Variants in GPALPP1 observed in about 807,000 individuals in gnomAD.
The protein encoded by GPALPP1 is GPALPP motifs containing 1.
GPALPP1 carries 30 observed loss-of-function variants against 38.9 expected under a neutral mutation model. The observed-to-expected ratio is 0.77, with a 90% CI of 0.58 to 1.05. GPALPP1 has a LOEUF of 1.05. Among genes scored for constraint, GPALPP1 ranks in the 50% least tolerant of loss-of-function variants. GPALPP1 has a pLI of 0.00. For missense variants in GPALPP1, 384 were observed against 408.8 expected (o/e 0.94, Z 0.52); for synonymous variants, 120 against 139.2 (o/e 0.86, Z 0.97).
chr13:44,989,550 C>T lies in GPALPP1; in HGVS notation c.-105C>T. The stretch of plus-strand genomic sequence containing the variant: ...CCACAGGCTTTACGTCATTTCTCGG[C>T]GCCGGGAAACCTGCCATTCTTCGCT... On this transcript the variant is annotated 5_prime_UTR_variant, in exon 1 of 8. Coordinates refer to ENST00000379151, the MANE Select transcript of GPALPP1 (RefSeq NM_018559.5). 1 of 1,504,582 alleles carries T rather than the reference C, an allele frequency of 6.6e-7. No homozygotes were observed. The highest frequency in any genetic ancestry group is 2.3e-5 in the East Asian group (1 of 44,164). 93.2% of individuals were successfully genotyped at this position (1,504,582 alleles called of 1,614,324 possible).
chr13:45,007,392 A>ATG (rs1163009800), intron 3 of GPALPP1, among the ~76,000 whole-genome samples: 1 of 152,186 alleles, frequency 6.6e-6, no homozygotes, highest in Admixed American at 6.5e-5. Context: ...ATAACATGCC[A>ATG]TGGTTTTATT....
intron 6 of GPALPP1, 37 bp downstream of exon 6, chr13:45,015,633 T>C: frequency 7.5e-7 from 1 of 1,339,010 alleles, no homozygotes; most frequent in Non-Finnish European, 9.8e-7. Context: ...GTATTTCTGT[T>C]CATGTTGGCT....
intron 4 of GPALPP1, among the ~76,000 whole-genome samples, chr13:45,011,099 G>T (rs1874442192): frequency 6.6e-6 from 1 of 152,220 alleles, no homozygotes; most frequent in African/African-American, 2.4e-5. Flanking sequence ...TTGTTCCAGA[G>T]AGAGCAGATG....
intron 7 of GPALPP1, among the ~76,000 whole-genome samples, chr13:45,023,483 T>G (rs1374726266): frequency 6.6e-6 from 1 of 152,218 alleles, no homozygotes; most frequent in Non-Finnish European, 1.5e-5. Flanking sequence ...CCTGACATCT[T>G]TATTTCTCCA....
chr13:45,009,180 A>G (rs1874308275), intron 4 of GPALPP1, among the ~76,000 whole-genome samples: 1 of 152,194 alleles, frequency 6.6e-6, no homozygotes, highest in Non-Finnish European at 1.5e-5. Context: ...ACATGAAGAA[A>G]AGTTTAAGGA....
rs1227988962 is a variant in GPALPP1 at position 45,027,899 on chromosome 13, C to G, written c.919C>G (p.Leu307Val). Residue 307 changes from leucine (L) to valine (V), a missense_variant, in exon 8 of 8, where the codon CTC (leucine) becomes GTC (valine). Physicochemically the swap from Leu to Val is conservative, Grantham distance 32 (BLOSUM62 1). Transcript: ENST00000379151. ...AATACCATTTGACCGTGATAAAGATCTCAAGGTTAATCGGTTTGATGAAGC... is the reference window on the plus strand; with the variant it reads ...AATACCATTTGACCGTGATAAAGATGTCAAGGTTAATCGGTTTGATGAAGC... Reference protein sequence around the residue: ...ERIPFDRDKDLKVNRFDEAQK... With the variant: ...ERIPFDRDKDVKVNRFDEAQK... 1 of 1,606,000 alleles carries G rather than the reference C, an allele frequency of 6.2e-7. No individual in the cohort carries two copies. The highest frequency in any genetic ancestry group is 1.7e-5 in the Admixed American group (1 of 59,970).
chr13:45,016,925 C>T (rs750286317), intron 6 of GPALPP1, among the ~76,000 whole-genome samples: 13 of 151,236 alleles, frequency 8.6e-5, no homozygotes, highest in Non-Finnish European at 1.2e-4. Context: ...AGCCGCTGTG[C>T]GCAGCCTCTC....
At chr13:45,003,594 C>A (rs1016507070) in intron 1 of GPALPP1, among the ~76,000 whole-genome samples, 1 of 152,136 alleles carries the variant, frequency 6.6e-6, no homozygotes, top group African/African-American at 2.4e-5. Flanking sequence ...ACAGTTGTGT[C>A]TGTGTGACAT....
intron 1 of GPALPP1, among the ~76,000 whole-genome samples, chr13:44,997,941 T>G (rs1873410602): frequency 6.6e-6 from 1 of 152,230 alleles, no homozygotes; most frequent in Non-Finnish European, 1.5e-5. Flanking sequence ...CTAATGCTGC[T>G]AAAAGATGGC....
chr13:45,036,010 T>G (rs1280636668), exon 8 of GPALPP1: 2 of 152,076 alleles, frequency 1.3e-5, no homozygotes, highest in African/African-American at 4.8e-5. Context: ...AAAAAGAAAT[T>G]TAAAAAAATA....
intron 1 of GPALPP1, among the ~76,000 whole-genome samples, chr13:44,992,017 C>T (rs1045131457): frequency 6.6e-6 from 1 of 152,186 alleles, no homozygotes; most frequent in Non-Finnish European, 1.5e-5. Flanking sequence ...GTTGGATGAA[C>T]ATTTGAGTAA....
intron 3 of GPALPP1, among the ~76,000 whole-genome samples, chr13:45,007,536 T>C (rs1422869592): frequency 6.6e-6 from 1 of 152,254 alleles, no homozygotes; most frequent in Non-Finnish European, 1.5e-5. Flanking sequence ...GCTGTACTCA[T>C]AGCTTATAAA....
At chr13:45,009,542 A>G (rs1337621608) in intron 4 of GPALPP1, among the ~76,000 whole-genome samples, 1 of 152,108 alleles carries the variant, frequency 6.6e-6, no homozygotes, top group African/African-American at 2.4e-5. Context: ...AGATTACACA[A>G]TTTTTACTGA....
In GPALPP1 at chr13:45,004,273, G is replaced by T. The variant is rs775418356; in HGVS notation, c.89-32G>T. The T allele has an allele frequency of 1.9e-6, 3 of 1,593,990 alleles. No homozygotes were observed. In the Admixed American group the frequency reaches 5.1e-5, roughly 27 times the overall value. ...AGAAGGGTTCATTGAAACAGTAGTG[G>T]CTAGTGATGACAAACAACAAGTGTT... On this transcript the variant is annotated intron_variant, in intron 1 of 7. Transcript: ENST00000379151.
rs568350807 is a variant in GPALPP1, at chr13:45,028,531, A to G, written c.*528A>G. ...GTAATCCCAACACTTTGGGAGGCCA[A>G]TGTGAGAGGATCGCTTGAGCCCAGT... On this transcript the variant is annotated 3_prime_UTR_variant, in exon 8 of 8. Coordinates refer to ENST00000379151, the MANE Select transcript of GPALPP1 (RefSeq NM_018559.5). 46 of 153,534 alleles carry G rather than the reference A, an allele frequency of 3.0e-4. No homozygotes were observed. In the South Asian group the frequency reaches 8.4e-3, roughly 28 times the overall value. 9.5% of individuals were successfully genotyped at this position (153,534 alleles called of 1,614,324 possible).
intron 7 of GPALPP1, among the ~76,000 whole-genome samples, chr13:45,021,986 C>A (rs1187324414): frequency 6.6e-6 from 1 of 152,064 alleles, no homozygotes; most frequent in East Asian, 1.9e-4. Context: ...TTCTTAATAG[C>A]CTCAAAAAAA....
intron 7 of GPALPP1, among the ~76,000 whole-genome samples, chr13:45,020,918 G>A (rs1340843939): frequency 5.3e-5 from 8 of 152,156 alleles, no homozygotes; most frequent in Non-Finnish European, 1.0e-4. Context: ...AGCACTTGAT[G>A]AGAGAAAGCA....
At chr13:45,009,334 T>C (rs538475832) in intron 4 of GPALPP1, among the ~76,000 whole-genome samples, 1 of 152,326 alleles carries the variant, frequency 6.6e-6, no homozygotes, top group East Asian at 1.9e-4. Flanking sequence ...TAGGAAAAGA[T>C]AGACCAAATG....
At chr13:45,001,450 T>C (rs1315626212) in intron 1 of GPALPP1, among the ~76,000 whole-genome samples, 2 of 152,180 alleles carry the variant, frequency 1.3e-5, no homozygotes, top group African/African-American at 2.4e-5. Context: ...TTTAAGGCTG[T>C]ATGAAACTTA....
Sources: gnomAD v4.1 joint callset for allele counts (sites outside exome capture counted in the v4.1 genomes callset) on GRCh38, gnomAD v4.1.1 for gene constraint, MANE v1.5 for transcripts, NCBI Gene and HGNC (gene_info 2026-07-23, HGNC 2026-07-21) for gene names.